The following RLIM variants were observed in gnomAD, a reference collection of about 807,000 sequenced individuals.
RLIM encodes ring finger protein, LIM domain interacting.
RLIM carries 2 observed loss-of-function variants against 34.0 expected under a neutral mutation model. The observed-to-expected ratio is 0.06, with a 90% CI of 0.02 to 0.19. The LOEUF is 0.19. RLIM is among the 10% of genes least tolerant of loss of function. RLIM has a pLI of 1.00. For missense variants in RLIM, 286 were observed against 479.7 expected (o/e 0.60, Z 3.77); for synonymous variants, 169 against 164.0 (o/e 1.03, Z -0.23).
At chrX:74,593,749 T>G (rs1417928265) in intron 3 of RLIM, among the ~76,000 whole-genome samples, 7 of 112,182 alleles carry the variant, frequency 6.2e-5, no homozygotes, top group Non-Finnish European at 1.9e-5. Context: ...TACTTGACAC[T>G]GGGAGGGAAA....
chrX:74,602,056 G>T (rs896464419), intron 1 of RLIM, among the ~76,000 whole-genome samples: 1 of 111,975 alleles, frequency 8.9e-6, no homozygotes, highest in Non-Finnish European at 1.9e-5. Context: ...CCAGTTGGAT[G>T]AATCCACCCA....
In RLIM at chrX:74,594,363, T is replaced by G. The variant is rs369182495; in HGVS notation, c.196A>C (p.Arg66=). ...PGESTEEELL[R]RLQQIKEGPP... The stretch of plus-strand genomic sequence containing the variant: ...CCTTCTTTAATTTGCTGTAGTCGTC[T>G]CAGCAACTCTTCCTCAGTACTTTCA... The change falls in exon 3 of 4, where the codon AGA becomes CGA. Residue 66 remains arginine (R), a synonymous_variant. Coordinates refer to ENST00000332687, the MANE Select transcript of RLIM (RefSeq NM_016120.4). 4 of 1,203,859 alleles carry G rather than the reference T, an allele frequency of 3.3e-6. No individual in the cohort carries two copies. Among genetic ancestry groups the G allele is most frequent in the Non-Finnish European group, 4.5e-6 (4 of 892,052 alleles).
At chrX:74,610,278 G>A (rs929112130) in intron 1 of RLIM, among the ~76,000 whole-genome samples, 4 of 111,074 alleles carry the variant, frequency 3.6e-5, no homozygotes, top group South Asian at 3.8e-4. Flanking sequence ...TTAGCCAGGC[G>A]TGGTGGCACG....
In RLIM at chrX:74,584,378, C is replaced by T. The variant is rs1931294298; in HGVS notation, c.*7062G>A. Among the ~76,000 whole-genome samples, 1 of 112,132 alleles carries T rather than the reference C, an allele frequency of 8.9e-6. No individual in the cohort carries two copies. Among genetic ancestry groups the T allele is most frequent in the African/African-American group, 3.2e-5 (1 of 30,837 alleles). ...ATGATTAAATAATTTATATAGAATACTTAATACAATGCCTGACAGCAACCA... is the reference window on the plus strand; with the variant it reads ...ATGATTAAATAATTTATATAGAATATTTAATACAATGCCTGACAGCAACCA... On this transcript the variant is annotated 3_prime_UTR_variant, in exon 4 of 4. Coordinates refer to ENST00000332687, the MANE Select transcript of RLIM (RefSeq NM_016120.4).
chrX:74,596,924 AGAG>A (rs2079642548), intron 1 of RLIM, among the ~76,000 whole-genome samples: 1 of 112,159 alleles, frequency 8.9e-6, no homozygotes, highest in Non-Finnish European at 1.9e-5. Context: ...AAGGTGCAGC[AGAG>A]GATGGGTTTT....
rs1418190156 is a variant in RLIM, at chrX:74,588,010, CTT to C, written c.*3428_*3429del. ...CTACATTCCAACACTAATGTGAACA[CTT>C]TTCTCAATCCCCACCTCCATTAACA... is the stretch of plus-strand genomic sequence containing the variant. On this transcript the variant is annotated 3_prime_UTR_variant, in exon 4 of 4. Transcript: ENST00000332687. The C allele has an allele frequency of 8.9e-6, 1 of 112,509 alleles. No homozygotes were observed. The highest frequency in any genetic ancestry group is 1.9e-5 in the Non-Finnish European group (1 of 53,354). The allele number at this position is 112,509 out of a possible 1,213,427, so 9.3% of individuals were successfully genotyped here.
At chrX:74,594,637 G>A (rs1168340701) in intron 2 of RLIM, among the ~76,000 whole-genome samples, 1 of 111,538 alleles carries the variant, frequency 9.0e-6, no homozygotes, top group Non-Finnish European at 1.9e-5. Flanking sequence ...TTTGGCTCAC[G>A]CCTGTACTCC....
chrX:74,591,795 C>T lies in RLIM; in HGVS notation c.1520G>A (p.Gly507Asp). The T allele has an allele frequency of 8.3e-7, 1 of 1,211,080 alleles. No homozygotes were observed. Among genetic ancestry groups the T allele is most frequent in the Non-Finnish European group, 1.1e-6 (1 of 895,344 alleles). ...CCTATGTCGACCCTCTCGCCTGGCA[C>T]CTGATGAGCCTGATGATGAGCTTCC... is the stretch of plus-strand genomic sequence containing the variant. ...NEGSSSSGSS[G>D]ARREGRHRAP... Residue 507 changes from glycine to aspartate, a missense_variant, in exon 4 of 4, where the codon GGT (glycine) becomes GAT (aspartate). Transcript: ENST00000332687.
Position 74,583,050 on chromosome X carries a change from G to A in RLIM, c.*8390C>T. 1.1e-6 allele frequency: 1 copy of A among 887,022 alleles called. No individual in the cohort carries two copies. Among genetic ancestry groups the A allele is most frequent in the Non-Finnish European group, 1.6e-6 (1 of 606,987 alleles). 73.1% of individuals were successfully genotyped at this position (887,022 alleles called of 1,213,427 possible). ...TTCGATGTTTAGATATTTTTCTTTG[G>A]TGAAGCACAAGTTTCTTTTCGTGGT... On this transcript the variant is annotated 3_prime_UTR_variant, in exon 4 of 4. Coordinates refer to ENST00000332687, the MANE Select transcript of RLIM (RefSeq NM_016120.4).
At chrX:74,598,848 G>A (rs2079650152) in intron 1 of RLIM, among the ~76,000 whole-genome samples, 1 of 110,310 alleles carries the variant, frequency 9.1e-6, no homozygotes, top group African/African-American at 3.3e-5. Context: ...ATACACTTGT[G>A]GATTGCTTAA....
Position 74,591,942 on chromosome X carries a change from C to G in RLIM, c.1373G>C (p.Ser458Thr). The part of the protein sequence containing the change: ...GSGGGSSSGS[S>T]SSSSSSSSSS... ...ACTCGAACTGGAACTGGAACTCGAA[C>G]TGGAACCAGAACTACTACCACCACC... is the stretch of plus-strand genomic sequence containing the variant. Residue 458 changes from serine (S) to threonine (T), a missense_variant, in exon 4 of 4, where the codon AGT (serine) becomes ACT (threonine). By Grantham distance (58) the Ser-to-Thr change is moderately conservative. Transcript: ENST00000332687. 3.3e-6 allele frequency: 4 copies of G among 1,211,659 alleles called. No individual in the cohort carries two copies. The highest frequency in any genetic ancestry group is 4.5e-6 in the Non-Finnish European group (4 of 895,256).
intron 1 of RLIM, among the ~76,000 whole-genome samples, chrX:74,601,794 A>G (rs747986404): frequency 2.3e-4 from 26 of 111,735 alleles, no homozygotes; most frequent in Admixed American, 1.0e-3. Flanking sequence ...AGACCAGTGT[A>G]ATAGGAATTA....
In RLIM at chrX:74,588,650, G is replaced by C. The variant is rs921639970; in HGVS notation, c.*2790C>G. 1.8e-5 allele frequency: 2 copies of C among 112,004 alleles called. No individual in the cohort carries two copies. The highest frequency in any genetic ancestry group is 6.5e-5 in the African/African-American group (2 of 30,841). The allele number at this position is 112,004 out of a possible 1,213,427, so 9.2% of individuals were successfully genotyped here. On this transcript the variant is annotated 3_prime_UTR_variant, in exon 4 of 4. Coordinates refer to ENST00000332687, the MANE Select transcript of RLIM (RefSeq NM_016120.4). ...CTGAACAATGTGAACTCCCAACATT[G>C]TTTATCCTTGTTCCTCTTACTGCAT...
chrX:74,609,487 CAAAAAAAAAAAAAAAAA>C (rs752008137), intron 1 of RLIM, among the ~76,000 whole-genome samples: 2 of 32,801 alleles, frequency 6.1e-5, no homozygotes, highest in African/African-American at 1.9e-4. Flanking sequence ...GACTCCGTTT[CAAAAAAAAAAAAAAAAA>C]AAAAAAAAAA....
At chrX:74,600,979 G>C (rs1414102419) in intron 1 of RLIM, among the ~76,000 whole-genome samples, 13 of 109,934 alleles carry the variant, frequency 1.2e-4, no homozygotes, top group Non-Finnish European at 2.1e-4. Context: ...AGCCGAGATC[G>C]TGCCACTGCA....
rs752800308 is a variant in RLIM at position 74,589,959 on chromosome X, T to C, written c.*1481A>G. 2 of 111,968 alleles carry C rather than the reference T, an allele frequency of 1.8e-5. No individual in the cohort carries two copies. The highest frequency in any genetic ancestry group is 2.8e-4 in the East Asian group (1 of 3,573). 9.2% of individuals were successfully genotyped at this position (111,968 alleles called of 1,213,427 possible). A position where few individuals can be genotyped will look rare whatever the true frequency, so the allele number is the denominator to read the frequency against. On this transcript the variant is annotated 3_prime_UTR_variant, in exon 4 of 4. Transcript: ENST00000332687. ...CATATATGGGCAGCACAATTAAAAT[T>C]TGAATTTCAAATAACCCAACATGAC...
At chrX:74,594,839 C>A (rs1207045917) in intron 2 of RLIM, among the ~76,000 whole-genome samples, 1 of 100,371 alleles carries the variant, frequency 1.0e-5, no homozygotes, top group African/African-American at 3.8e-5. Flanking sequence ...GCAGAGGTTG[C>A]AGTGAGCAGA....
chrX:74,603,260 C>T (rs747071805), intron 1 of RLIM, among the ~76,000 whole-genome samples: 10 of 110,569 alleles, frequency 9.0e-5, no homozygotes, highest in Non-Finnish European at 1.7e-4. Flanking sequence ...GTTACCTCTA[C>T]CCCATACTCC....
In RLIM at chrX:74,587,463, TAAAAA is replaced by T. The variant is rs900391326; in HGVS notation, c.*3972_*3976del. ...ACAGGGAAGCCTGTAAGGTAAAACT[TAAAAA>T]AAAAATCAAATAAGGCAGATTATAA... On this transcript the variant is annotated 3_prime_UTR_variant, in exon 4 of 4. Transcript: ENST00000332687. 2.8e-5 allele frequency: 3 copies of T among 107,340 alleles called. No homozygotes were observed. The highest frequency in any genetic ancestry group is 4.7e-3 in the Middle Eastern group (1 of 211). 8.8% of individuals were successfully genotyped at this position (107,340 alleles called of 1,213,427 possible).
Sources: allele counts gnomAD v4.1 joint callset (sites outside exome capture counted in the v4.1 genomes callset), GRCh38; gene constraint gnomAD v4.1.1; transcripts MANE v1.5; gene names NCBI Gene and HGNC (gene_info 2026-07-23, HGNC 2026-07-21).